Variants in GRIK2 observed in about 807,000 individuals in gnomAD.
GRIK2 encodes the protein glutamate receptor ionotropic, kainate 2.
A neutral mutation model predicts 100.3 loss-of-function variants in GRIK2; 32 were observed. The observed-to-expected ratio is 0.32, with a 90% confidence interval of 0.24 to 0.43. The LOEUF (loss-of-function observed/expected upper bound fraction) is 0.43, where lower values mean the gene tolerates loss of function less well. Ranked by LOEUF, GRIK2 falls within the 20% of genes least tolerant of loss-of-function variation. GRIK2 has a pLI of 1.00. For missense variants in GRIK2, 843 were observed against 1,114.9 expected (o/e 0.76, Z 3.47); for synonymous variants, 417 against 389.4 (o/e 1.07, Z -0.83).
intron 2 of GRIK2, among the ~76,000 whole-genome samples, chr6:101,609,452 A>G (rs978320700): frequency 2.0e-5 from 3 of 151,860 alleles, no homozygotes; most frequent in African/African-American, 7.2e-5. Context: ...GTCATTTTGT[A>G]ATTAACAAAA....
At chr6:102,005,729 T>C (rs780690076) in intron 14 of GRIK2, among the ~76,000 whole-genome samples, 12 of 152,068 alleles carry the variant, frequency 7.9e-5, no homozygotes, top group African/African-American at 2.9e-4. Flanking sequence ...GAAAATATAT[T>C]TTATTTCTTA....
chr6:101,540,446 C>A (rs935033330), intron 2 of GRIK2, among the ~76,000 whole-genome samples: 9 of 151,784 alleles, frequency 5.9e-5, no homozygotes, highest in African/African-American at 2.2e-4. Context: ...AAATGGATAT[C>A]CCATTCTCCA....
chr6:101,568,245 C>G (rs1019283248), intron 2 of GRIK2, among the ~76,000 whole-genome samples: 1 of 151,946 alleles, frequency 6.6e-6, no homozygotes, highest in Admixed American at 6.6e-5. Flanking sequence ...CATGTTTCTG[C>G]TCAACATTCT....
chr6:102,013,545 A>G (rs1795661658), intron 14 of GRIK2, among the ~76,000 whole-genome samples: 1 of 152,046 alleles, frequency 6.6e-6, no homozygotes, highest in Non-Finnish European at 1.5e-5. Context: ...GCTTTTTCCT[A>G]TTTAGTATGA....
At chr6:101,968,395 T>C (rs1048223438) in intron 14 of GRIK2, among the ~76,000 whole-genome samples, 1 of 152,070 alleles carries the variant, frequency 6.6e-6, no homozygotes, top group African/African-American at 2.4e-5. Context: ...CAAATTTGCA[T>C]TGCTATTAAC....
intron 12 of GRIK2, among the ~76,000 whole-genome samples, chr6:101,904,982 C>G (rs1266295379): frequency 6.6e-6 from 1 of 151,360 alleles, no homozygotes; most frequent in Non-Finnish European, 1.5e-5. Flanking sequence ...ACAAGCAGAA[C>G]TGAAAGAAGG....
At chr6:101,993,339 A>C (rs2128492768) in intron 14 of GRIK2, 1 of 151,584 alleles carries the variant, frequency 6.6e-6, no homozygotes, top group South Asian at 2.1e-4. Context: ...TCAAAGTAAA[A>C]AGGAAGATAT....
At chr6:101,663,457 A>G (rs1248092926) in intron 4 of GRIK2, among the ~76,000 whole-genome samples, 1 of 152,188 alleles carries the variant, frequency 6.6e-6, no homozygotes, top group Non-Finnish European at 1.5e-5. Context: ...TGTTGGTCCC[A>G]CTGAGGGTGA....
chr6:101,859,244 A>C (rs777410891), intron 10 of GRIK2, 43 bp from the exon 11 acceptor site: 1 of 1,022,556 alleles, frequency 9.8e-7, no homozygotes, highest in Non-Finnish European at 1.5e-6. Context: ...GATGAGTTTC[A>C]TGATTAACTG....
intron 10 of GRIK2, among the ~76,000 whole-genome samples, chr6:101,823,633 T>C (rs775674308): frequency 1.3e-5 from 2 of 152,108 alleles, no homozygotes; most frequent in African/African-American, 2.4e-5. Flanking sequence ...GTTGTTAAAA[T>C]ATGAGTTCCT....
intron 7 of GRIK2, among the ~76,000 whole-genome samples, chr6:101,722,650 G>C (rs1233466710): frequency 1.3e-5 from 2 of 152,038 alleles, no homozygotes; most frequent in African/African-American, 4.8e-5. Context: ...TGTATACAAA[G>C]AGGGATGGAT....
chr6:101,985,871 G>T (rs1044941987), intron 14 of GRIK2, among the ~76,000 whole-genome samples: 1 of 151,670 alleles, frequency 6.6e-6, no homozygotes. Flanking sequence ...GTCAAATTTT[G>T]TGTATATATA....
At position 101,791,724 on chromosome 6, in the gene GRIK2, C is replaced by T. The variant is rs562613721; in HGVS notation, c.952-7924C>T. The stretch of plus-strand genomic sequence containing the variant: ...GAGTTCTGTAGATGGCTATTAGGTC[C>T]GCTTGGTGCAGAGCTGAGTTCAATT... On this transcript the variant is annotated intron_variant, in intron 7 of 16. Transcript: ENST00000369134. Among the ~76,000 whole-genome samples the T allele has an allele frequency of 2.4e-3, 361 of 151,972 alleles. 1 individual carries two copies. Among genetic ancestry groups the T allele is most frequent in the African/African-American group, 3.5e-3 (144 of 41,414 alleles).
intron 4 of GRIK2, among the ~76,000 whole-genome samples, chr6:101,658,594 G>A (rs112488164): frequency 6.6e-6 from 1 of 151,854 alleles, no homozygotes; most frequent in Admixed American, 6.6e-5. Context: ...GGATCAAATG[G>A]TATTTCTGTT....
chr6:101,993,176 CAGA>C (rs1164326795), intron 14 of GRIK2: 4 of 148,434 alleles, frequency 2.7e-5, no homozygotes, highest in Non-Finnish European at 6.0e-5. Context: ...TGCTTTCTAG[CAGA>C]AGAAGAAAAA....
intron 14 of GRIK2, among the ~76,000 whole-genome samples, chr6:101,956,370 C>A (rs879039260): frequency 1.3e-5 from 2 of 152,058 alleles, no homozygotes; most frequent in Non-Finnish European, 2.9e-5. Context: ...TTTTGATCCA[C>A]GAACTTGAGA....
At chr6:101,401,026 T>C (rs533162063) in intron 2 of GRIK2, among the ~76,000 whole-genome samples, 6 of 152,220 alleles carry the variant, frequency 3.9e-5, no homozygotes, top group Non-Finnish European at 8.8e-5. Flanking sequence ...TTTGTGTGTG[T>C]GTTTTCAGCA....
chr6:101,513,173 C>T (rs2128278772), intron 2 of GRIK2, among the ~76,000 whole-genome samples: 1 of 152,150 alleles, frequency 6.6e-6, no homozygotes, highest in African/African-American at 2.4e-5. Context: ...CAATCAAATA[C>T]ATTTAAGAAA....
chr6:101,478,783 C>G (rs1772387037), intron 2 of GRIK2, among the ~76,000 whole-genome samples: 1 of 152,042 alleles, frequency 6.6e-6, no homozygotes, highest in South Asian at 2.1e-4. Context: ...CTTGGCCTCC[C>G]AAAGTGCAGT....
Sources: allele counts gnomAD v4.1 joint callset (sites outside exome capture counted in the v4.1 genomes callset), GRCh38; gene constraint gnomAD v4.1.1; transcripts MANE v1.5; gene names NCBI Gene and HGNC (gene_info 2026-07-23, HGNC 2026-07-21).